Variants in RNF213 observed in about 807,000 individuals in gnomAD.
The protein encoded by RNF213 is ring finger protein 213, also known as E3 ubiquitin-protein ligase RNF213.
RNF213 carries 341 observed loss-of-function variants against 514.4 expected under a neutral mutation model. The ratio of observed to expected loss-of-function variants is 0.66; its 90% CI spans 0.61 to 0.73. The LOEUF is 0.73. Ranked by LOEUF, RNF213 falls within the 30% of genes least tolerant of loss-of-function variation. The pLI is 0.00. For missense variants in RNF213, 5,767 were observed against 6,615.6 expected (o/e 0.87, Z 4.45); for synonymous variants, 2,655 against 2,658.2 (o/e 1.00, Z 0.04).
chr17:80,369,518 C>T lies in RNF213; in HGVS notation c.12172C>T (p.His4058Tyr). 1 of 1,613,650 alleles carries T rather than the reference C, an allele frequency of 6.2e-7. No homozygotes were observed. Among genetic ancestry groups the T allele is most frequent in the Non-Finnish European group, 8.5e-7 (1 of 1,180,030 alleles). Reference sequence around the variant, plus strand: ...TGTTCTAAGGGAAGCCATTGAAAAGCATGCCCGCTTCCGGCAGATGTGCAA... The same window carrying T: ...TGTTCTAAGGGAAGCCATTGAAAAGTATGCCCGCTTCCGGCAGATGTGCAA... ...SQAHREAIEK[H>Y]ARFRQMCNSF... Residue 4058 changes from histidine (H) to tyrosine (Y), a missense_variant, in exon 45 of 68, where the codon CAT becomes TAT. By Grantham distance (83) the His-to-Tyr change is moderately conservative. Coordinates refer to ENST00000582970, the MANE Select transcript of RNF213 (RefSeq NM_001256071.3).
At chr17:80,327,526 C>T (rs191928060) in intron 18 of RNF213, among the ~76,000 whole-genome samples, 136 of 151,450 alleles carry the variant, frequency 9.0e-4, no homozygotes, top group Middle Eastern at 3.4e-3. Flanking sequence ...CTGAAGGGGA[C>T]GTGGGTTTTA....
intron 58 of RNF213, 45 bp from the exon 59 acceptor site, chr17:80,383,632 C>A (rs1265919819): frequency 6.2e-7 from 1 of 1,608,476 alleles, no homozygotes; most frequent in South Asian, 1.1e-5. Flanking sequence ...CTGTTTGTAG[C>A]AATACCTCAC....
chr17:80,319,642 G>T, intron 17 of RNF213: 1 of 1,509,202 alleles, frequency 6.6e-7, no homozygotes, highest in Admixed American at 2.0e-5. Flanking sequence ...TGGTTTGATT[G>T]ATTGTTAACA....
In RNF213 at chr17:80,276,608, A is replaced by AAG. The variant is rs756265571; in HGVS notation, c.261+3218_261+3219dup. On this transcript the variant is annotated intron_variant, in intron 3 of 67. Transcript: ENST00000582970. ...TGGGTGACTGTGAGATCCTTCCTCA[A>AAG]AGAGAGAGAGAGAGAAGGAAGGAAG... is the stretch of plus-strand genomic sequence containing the variant. Among the ~76,000 whole-genome samples the AAG allele has an allele frequency of 2.1e-3, 302 of 146,496 alleles. 2 individuals are homozygous for AAG. The highest frequency in any genetic ancestry group is 7.4e-3 in the African/African-American group (282 of 38,130).
At position 80,389,291 on chromosome 17, in the gene RNF213, G is replaced by T. The variant is rs200168617; in HGVS notation, c.15119G>T (p.Gly5040Val). Reference protein sequence around the residue: ...VTLGFLSTAGGDPNMQLNVYT... With the variant: ...VTLGFLSTAGVDPNMQLNVYT... The stretch of plus-strand genomic sequence containing the variant: ...CTGGGGTTTCTGAGCACAGCTGGTG[G>T]GGATCCAAACATGCAGCTGAATGTG... Residue 5040 changes from glycine (G) to valine (V), a missense_variant, in exon 65 of 68, where the codon GGG becomes GTG. This residue lies in a region of RNF213 where 1,245 missense variants were observed against 1,339.0 expected (regional missense o/e 0.93). Transcript: ENST00000582970. 8.6e-5 allele frequency: 139 copies of T among 1,614,090 alleles called. No homozygotes were observed. The highest frequency in any genetic ancestry group is 1.1e-4 in the Non-Finnish European group (133 of 1,180,038).
chr17:80,389,192 T>C lies in RNF213; in HGVS notation c.15020T>C (p.Val5007Ala). ...KMAQDSLPSS[V>A]ISAISGQLQS... ...TCCCAGGACTCCCTCCCCAGCTCGG[T>C]CATTAGTGCCATCAGTGGACAGCTG... Residue 5007 changes from valine to alanine, a missense_variant, in exon 65 of 68, where the codon GTC (valine) becomes GCC (alanine). This residue lies in a region of RNF213 where 1,245 missense variants were observed against 1,339.0 expected (regional missense o/e 0.93). Transcript: ENST00000582970. 1 of 1,614,110 alleles carries C rather than the reference T, an allele frequency of 6.2e-7. No individual in the cohort carries two copies. Among genetic ancestry groups the C allele is most frequent in the Non-Finnish European group, 8.5e-7 (1 of 1,179,970 alleles).
rs1489921408 is a variant in RNF213 at position 80,344,073 on chromosome 17, T to C, written c.6342+58T>C. 1.9e-6 allele frequency: 3 copies of C among 1,577,832 alleles called. No homozygotes were observed. The Admixed American group carries it at 5.5e-5, about 29-fold the overall frequency. On this transcript the variant is annotated intron_variant, in intron 28 of 67. Transcript: ENST00000582970. ...GGGGGCTCTTGGGTTCTTTCTGGTC[T>C]TACTGAAGTGGAATGGCGCGTTTAG...
rs371676448 is a variant in RNF213 at position 80,345,647 on chromosome 17, C to T, written c.7312C>T (p.Arg2438Cys). 39 of 1,614,190 alleles carry T rather than the reference C, an allele frequency of 2.4e-5. No homozygotes were observed. The highest frequency in any genetic ancestry group is 1.6e-4 in the Middle Eastern group (1 of 6,062). The change falls in exon 29 of 68, where the codon CGT becomes TGT. Residue 2438 changes from arginine (R) to cysteine (C), a missense_variant. By Grantham distance (180) the Arg-to-Cys change is radical (BLOSUM62 -3). Coordinates refer to ENST00000582970, the MANE Select transcript of RNF213 (RefSeq NM_001256071.3). The surrounding 1 kb of genome is among the most constrained non-coding windows in gnomAD (Gnocchi z 6.0). ...TATTAAATTCCTTAGCGACCTGCGG[C>T]GTGGTGGTACCAATGCTGACACCAT... ...RLIKFLSDLRRGGTNADTIKL... is the reference protein window; with the variant it reads ...RLIKFLSDLRCGGTNADTIKL...
At chr17:80,340,725 A>C (rs11869772) in intron 26 of RNF213, 90,336 of 198,992 alleles carry the variant, frequency 0.45, 21,149 homozygotes, top group Middle Eastern at 0.49. Flanking sequence ...GGTTCAAGCA[A>C]TTATCCTGCC....
intron 3 of RNF213, chr17:80,278,868 C>T: frequency 6.5e-7 from 1 of 1,537,222 alleles, no homozygotes; most frequent in South Asian, 1.2e-5. Context: ...AGGATGCAGC[C>T]CCGCTTGAGG....
rs1322302852 is a variant in RNF213, at chr17:80,385,565, G to T, written c.14483G>T (p.Arg4828Met). 6.2e-7 allele frequency: 1 copy of T among 1,614,168 alleles called. No individual in the cohort carries two copies. Among genetic ancestry groups the T allele is most frequent in the Non-Finnish European group, 8.5e-7 (1 of 1,180,022 alleles). Reference protein sequence around the residue: ...SDGLRQLLHNRITVFLSTWNK... With the variant: ...SDGLRQLLHNMITVFLSTWNK... ...GGGTTGAGGCAGCTGCTTCACAACA[G>T]GATCACAGTCTTTCTGTCCACATGG... Residue 4828 changes from arginine to methionine, a missense_variant, in exon 61 of 68, where the codon AGG becomes ATG. Arg to Met is a moderately conservative substitution (Grantham distance 91). Coordinates refer to ENST00000582970, the MANE Select transcript of RNF213 (RefSeq NM_001256071.3).
chr17:80,283,604 C>T (rs530465402), intron 3 of RNF213, among the ~76,000 whole-genome samples: 2 of 152,362 alleles, frequency 1.3e-5, no homozygotes, highest in South Asian at 2.1e-4. Flanking sequence ...TGGCCACTCC[C>T]CTCCTGCAAG....
At position 80,354,050 on chromosome 17, in the gene RNF213, G is replaced by A; in HGVS notation, c.10610G>A (p.Arg3537Lys). The A allele has an allele frequency of 6.2e-7, 1 of 1,614,012 alleles. No homozygotes were observed. The highest frequency in any genetic ancestry group is 8.5e-7 in the Non-Finnish European group (1 of 1,180,048). ...ATCCTGGACACCACCAGGCTGCTGA[G>A]AAGCTGTGTGCAGAGCGCCGTGGGC... ...VSILDTTRLL[R>K]SCVQSAVGML... Residue 3537 changes from arginine to lysine, a missense_variant, in exon 35 of 68, where the codon AGA becomes AAA. Physicochemically the swap from Arg to Lys is conservative, Grantham distance 26. This residue lies in a region of RNF213 where 919 missense variants were observed against 1,121.0 expected (regional missense o/e 0.82). Coordinates refer to ENST00000582970, the MANE Select transcript of RNF213 (RefSeq NM_001256071.3).
Position 80,374,368 on chromosome 17 carries a change from G to C in RNF213, c.12943-90G>C, listed in dbSNP as rs559997159. The C allele has an allele frequency of 3.1e-4, 484 of 1,568,474 alleles. 3 individuals are homozygous for C. The South Asian group carries it at 3.6e-3, about 12-fold the overall frequency. On this transcript the variant is annotated intron_variant, in intron 49 of 67. Transcript: ENST00000582970. The stretch of plus-strand genomic sequence containing the variant: ...GCTTGGCTGCCTTTAAACCTCGAAT[G>C]ATCAACCACCTGGTTCCTGTACCCG...
At chr17:80,311,602 G>A (rs1289005644) in intron 14 of RNF213, among the ~76,000 whole-genome samples, 1 of 152,198 alleles carries the variant, frequency 6.6e-6, no homozygotes. Context: ...GCTCCTGCCT[G>A]TATCTTCCCG....
Position 80,343,077 on chromosome 17 carries a change from G to A in RNF213, c.5990-55G>A, listed in dbSNP as rs1599065118. 2.0e-6 allele frequency: 3 copies of A among 1,466,824 alleles called. No homozygotes were observed. The highest frequency in any genetic ancestry group is 2.9e-6 in the Non-Finnish European group (3 of 1,047,510). The allele number at this position is 1,466,824 out of a possible 1,614,324, so 90.9% of individuals were successfully genotyped here. A position where few individuals can be genotyped will look rare whatever the true frequency, so the allele number is the denominator to read the frequency against. On this transcript the variant is annotated intron_variant, in intron 26 of 67. Transcript: ENST00000582970. This position sits in a 1 kb window ranked among gnomAD's most constrained non-coding sequence, Gnocchi z 4.3. ...CCCGCCTCGGCCTCCCAAAGTGCTAGGATTACAGGTGTGAGCCACCACTCC... is the reference window on the plus strand; with the variant it reads ...CCCGCCTCGGCCTCCCAAAGTGCTAAGATTACAGGTGTGAGCCACCACTCC...
intron 3 of RNF213, among the ~76,000 whole-genome samples, chr17:80,277,129 C>T (rs1200804206): frequency 1.3e-5 from 2 of 151,496 alleles, no homozygotes; most frequent in Non-Finnish European, 2.9e-5. Flanking sequence ...CCTGGATGGA[C>T]CCCAAAAACA....
chr17:80,376,634 T>A, intron 52 of RNF213, 91 bp downstream of exon 52: 1 of 1,561,718 alleles, frequency 6.4e-7, no homozygotes, highest in African/African-American at 1.4e-5. Context: ...TGGGAACTCT[T>A]GAGCATCTTT....
At chr17:80,363,993 T>C (rs376986183) in intron 41 of RNF213, among the ~76,000 whole-genome samples, 12 of 152,318 alleles carry the variant, frequency 7.9e-5, no homozygotes, top group African/African-American at 2.6e-4. Context: ...GAGAGGCGGC[T>C]GTGCATTCAG....
Sources: gnomAD v4.1 joint callset for allele counts (sites outside exome capture counted in the v4.1 genomes callset) on GRCh38, gnomAD v4.1.1 for gene constraint, gnomAD v4.1.1 regional missense constraint, Gnocchi (gnomAD v3.1) non-coding constraint, MANE v1.5 for transcripts, NCBI Gene and HGNC (gene_info 2026-07-23, HGNC 2026-07-21) for gene names.